The following GRM8 variants were observed in gnomAD, a reference collection of about 807,000 sequenced individuals.
GRM8 encodes metabotropic glutamate receptor 8.
In GRM8, 47 loss-of-function variants were observed where a neutral mutation model predicts 87.2. The ratio of observed to expected loss-of-function variants is 0.54; its 90% CI spans 0.43 to 0.69. The LOEUF is 0.69. GRM8 is among the 30% of genes least tolerant of loss of function. The probability of loss-of-function intolerance (pLI) is 0.00; values close to 1 mark genes in which losing one functional copy is unlikely to be tolerated. For missense variants in GRM8, 1,019 were observed against 1,139.2 expected (o/e 0.89, Z 1.52); for synonymous variants, 396 against 404.5 (o/e 0.98, Z 0.25).
chr7:127,212,410 ATTTTTT>A (rs144077638), intron 2 of GRM8, among the ~76,000 whole-genome samples: 3 of 97,718 alleles, frequency 3.1e-5, no homozygotes, highest in Non-Finnish European at 3.8e-5. Flanking sequence ...ACATGGTGTT[ATTTTTT>A]TTTTTTTTTT....
At chr7:126,667,453 G>C (rs1465728050) in intron 7 of GRM8, among the ~76,000 whole-genome samples, 1 of 152,294 alleles carries the variant, frequency 6.6e-6, no homozygotes, top group South Asian at 2.1e-4. Flanking sequence ...TGTAATTTTA[G>C]AAGGAAAATG....
At chr7:126,598,124 T>C (rs1797384951) in intron 8 of GRM8, among the ~76,000 whole-genome samples, 1 of 152,088 alleles carries the variant, frequency 6.6e-6, no homozygotes, top group Admixed American at 6.6e-5. Flanking sequence ...AAATATCACA[T>C]GTTCTCAGTC....
At chr7:126,894,923 C>T (rs1421496603) in intron 6 of GRM8, among the ~76,000 whole-genome samples, 3 of 152,076 alleles carry the variant, frequency 2.0e-5, no homozygotes, top group Non-Finnish European at 4.4e-5. Context: ...ACCTCTTCAA[C>T]TCCTCCACTC....
chr7:127,179,626 A>C (rs1362495251), intron 2 of GRM8, among the ~76,000 whole-genome samples: 2 of 152,168 alleles, frequency 1.3e-5, no homozygotes, highest in African/African-American at 2.4e-5. Context: ...TAAGTTTAAG[A>C]AAGTTGAAAT....
At chr7:126,654,992 GTC>G (rs942680864) in intron 7 of GRM8, among the ~76,000 whole-genome samples, 18 of 152,286 alleles carry the variant, frequency 1.2e-4, no homozygotes, top group African/African-American at 4.1e-4. Flanking sequence ...TGGAGGAAAT[GTC>G]TCTGGCAAAT....
At chr7:126,514,160 A>G (rs1033539084) in intron 9 of GRM8, among the ~76,000 whole-genome samples, 1 of 152,186 alleles carries the variant, frequency 6.6e-6, no homozygotes, top group South Asian at 2.1e-4. Flanking sequence ...AGTGACTTAA[A>G]TAGCCCCAGC....
intron 6 of GRM8, among the ~76,000 whole-genome samples, chr7:126,870,928 T>C (rs1563267323): frequency 6.6e-6 from 1 of 152,276 alleles, no homozygotes; most frequent in Middle Eastern, 3.4e-3. Context: ...GCCTGTAGCA[T>C]ATGAAAGAGC....
At chr7:126,498,108 C>G (rs1402780723) in intron 9 of GRM8, among the ~76,000 whole-genome samples, 1 of 151,820 alleles carries the variant, frequency 6.6e-6, no homozygotes, top group Admixed American at 6.6e-5. Context: ...TAGATAATTT[C>G]ATGATGAGAG....
At chr7:126,885,479 G>A (rs1019617740) in intron 6 of GRM8, among the ~76,000 whole-genome samples, 3 of 152,062 alleles carry the variant, frequency 2.0e-5, no homozygotes, top group East Asian at 1.9e-4. Context: ...TATCATCTGT[G>A]CCCCTAAAGC....
chr7:126,647,521 C>T (rs987198805), intron 7 of GRM8, among the ~76,000 whole-genome samples: 2 of 152,002 alleles, frequency 1.3e-5, no homozygotes, highest in Admixed American at 1.3e-4. Context: ...CAACTACGCC[C>T]CTGACATTCC....
At chr7:126,729,734 C>G (rs1320738807) in intron 7 of GRM8, among the ~76,000 whole-genome samples, 2 of 152,144 alleles carry the variant, frequency 1.3e-5, no homozygotes, top group Non-Finnish European at 1.5e-5. Flanking sequence ...TCTAAGATCT[C>G]AGAGAGAGGA....
At chr7:126,643,872 G>T (rs555104923) in intron 7 of GRM8, among the ~76,000 whole-genome samples, 20 of 152,270 alleles carry the variant, frequency 1.3e-4, no homozygotes, top group Non-Finnish European at 2.8e-4. Flanking sequence ...GCTTTGGAAA[G>T]TCACTCAACA....
At chr7:127,063,447 G>A (rs1006616003) in intron 3 of GRM8, among the ~76,000 whole-genome samples, 1 of 151,864 alleles carries the variant, frequency 6.6e-6, no homozygotes, top group African/African-American at 2.4e-5. Context: ...GTGGTGGCAG[G>A]CACCTGTAAT....
In GRM8 at chr7:126,680,225, AACTGTCAATCTCATTGACAGAAG is replaced by A. The variant is rs1215891801; in HGVS notation, c.1358-70750_1358-70728del. Among the ~76,000 whole-genome samples, 3 of 152,094 alleles carry A rather than the reference AACTGTCAATCTCATTGACAGAAG, an allele frequency of 2.0e-5. No individual in the cohort carries two copies. In the East Asian group the frequency reaches 5.8e-4, roughly 29 times the overall value. ...ACGAACTATGAGATTATGAATAGAA[AACTGTCAATCTCATTGACAGAAG>A]ACTGTCAAGAAGAGGTGAGAATATA... is the stretch of plus-strand genomic sequence containing the variant. On this transcript the variant is annotated intron_variant, in intron 7 of 10. Transcript: ENST00000339582.
At chr7:126,681,338 T>C (rs189430756) in intron 7 of GRM8, among the ~76,000 whole-genome samples, 99 of 152,278 alleles carry the variant, frequency 6.5e-4, no homozygotes, top group Non-Finnish European at 1.1e-3. Flanking sequence ...CTGACCCCCT[T>C]CTAAGAGTGG....
chr7:127,020,792 A>G (rs1321381269), intron 3 of GRM8, among the ~76,000 whole-genome samples: 1 of 152,074 alleles, frequency 6.6e-6, no homozygotes, highest in African/African-American at 2.4e-5. Context: ...ACAGTGGTCA[A>G]ATTTGTATTA....
chr7:126,561,376 CAGA>C (rs1270281879), intron 8 of GRM8, among the ~76,000 whole-genome samples: 18 of 151,840 alleles, frequency 1.2e-4, no homozygotes, highest in African/African-American at 3.1e-4. Context: ...GAGGCTGAGG[CAGA>C]AGAATTGCTT....
At chr7:127,080,462 C>T (rs1822735113) in intron 3 of GRM8, among the ~76,000 whole-genome samples, 2 of 152,156 alleles carry the variant, frequency 1.3e-5, no homozygotes, top group South Asian at 4.1e-4. Flanking sequence ...AGCACATCCC[C>T]CATCCCCAAG....
intron 3 of GRM8, chr7:127,080,954 C>A (rs898341110): frequency 6.6e-6 from 1 of 152,284 alleles, no homozygotes; most frequent in African/African-American, 2.4e-5. Context: ...TCAAAAGCAA[C>A]CTTTCTTCCC....
Sources: allele counts gnomAD v4.1 joint callset (sites outside exome capture counted in the v4.1 genomes callset), GRCh38; gene constraint gnomAD v4.1.1; transcripts MANE v1.5; gene names NCBI Gene and HGNC (gene_info 2026-07-23, HGNC 2026-07-21).